SUGCT: variants seen among roughly 807,000 people sequenced by gnomAD.
SUGCT encodes the protein succinyl-CoA:glutarate CoA-transferase.
In SUGCT, 41 loss-of-function variants were observed where a neutral mutation model predicts 55.0. The ratio of observed to expected loss-of-function variants is 0.74; its 90% confidence interval spans 0.58 to 0.97. The LOEUF is 0.97. Among genes scored for constraint, SUGCT ranks in the 50% least tolerant of loss-of-function variants. The pLI is 0.00. For synonymous variants in SUGCT, 187 were observed against 200.4 expected (o/e 0.93, Z 0.56); for missense variants, 568 against 547.8 (o/e 1.04, Z -0.37).
intron 7 of SUGCT, among the ~76,000 whole-genome samples, chr7:40,241,241 G>A (rs1233462183): frequency 6.6e-6 from 1 of 152,014 alleles, no homozygotes; most frequent in Non-Finnish European, 1.5e-5. Flanking sequence ...TTCCTATAGT[G>A]TTATAATAAT....
the SUGCT span, among the ~76,000 whole-genome samples, chr7:40,978,991 C>T: frequency 6.6e-6 from 1 of 152,158 alleles, no homozygotes; most frequent in African/African-American, 2.4e-5. Context: ...CTGTAATTTC[C>T]TTTATATGCC....
At chr7:40,501,989 T>C (rs2151531419) in intron 12 of SUGCT, among the ~76,000 whole-genome samples, 2 of 152,204 alleles carry the variant, frequency 1.3e-5, no homozygotes, top group African/African-American at 4.8e-5. Context: ...TGTAATTAGT[T>C]TATTCTATTA....
intron 9 of SUGCT, among the ~76,000 whole-genome samples, chr7:40,333,403 G>A (rs1174877759): frequency 1.3e-5 from 2 of 151,500 alleles, no homozygotes; most frequent in African/African-American, 4.8e-5. Context: ...TTGGGAGGCT[G>A]AGGCAGGTGG....
At chr7:40,842,795 T>C (rs1437616025) in intron 13 of SUGCT, among the ~76,000 whole-genome samples, 1 of 152,210 alleles carries the variant, frequency 6.6e-6, no homozygotes, top group East Asian at 1.9e-4. Flanking sequence ...GCAGGGCCTC[T>C]TTCTTGTGGG....
intron 9 of SUGCT, among the ~76,000 whole-genome samples, chr7:40,332,419 T>G (rs1287304625): frequency 6.6e-6 from 1 of 150,784 alleles, no homozygotes; most frequent in East Asian, 2.0e-4. Context: ...ATCTTTCTTG[T>G]TAGACTTTTG....
intron 9 of SUGCT, among the ~76,000 whole-genome samples, chr7:40,428,804 T>C (rs904314744): frequency 6.6e-6 from 1 of 152,182 alleles, no homozygotes; most frequent in Non-Finnish European, 1.5e-5. Flanking sequence ...TCTTTGTTTG[T>C]CTATATGTTT....
intron 6 of SUGCT, among the ~76,000 whole-genome samples, chr7:40,205,287 A>C (rs1168840134): frequency 6.6e-6 from 1 of 151,594 alleles, no homozygotes; most frequent in Non-Finnish European, 1.5e-5. Flanking sequence ...AAAAAGGGAA[A>C]AGGAAAAAGG....
rs1784277975 is a variant in SUGCT, at chr7:40,163,502, G to T, written c.101-17445G>T. ...CACCTGTAGTCCCAGCTACTCGGGAGGCTGAGGCAGGAGAAACACTTGAAC... is the reference window on the plus strand; with the variant it reads ...CACCTGTAGTCCCAGCTACTCGGGATGCTGAGGCAGGAGAAACACTTGAAC... On this transcript the variant is annotated intron_variant, in intron 1 of 13. Transcript: ENST00000335693. Among the ~76,000 whole-genome samples the T allele has an allele frequency of 3.3e-5, 5 of 151,924 alleles. No homozygotes were observed. The South Asian group carries it at 1.0e-3, about 32-fold the overall frequency.
chr7:40,697,625 G>A (rs1399733257), intron 12 of SUGCT, among the ~76,000 whole-genome samples: 2 of 152,182 alleles, frequency 1.3e-5, no homozygotes, highest in Non-Finnish European at 2.9e-5. Flanking sequence ...GTGACAGAAT[G>A]AGACTCCATC....
At chr7:40,874,044 T>C in the SUGCT span, among the ~76,000 whole-genome samples, 1 of 152,208 alleles carries the variant, frequency 6.6e-6, no homozygotes, top group Admixed American at 6.5e-5. Flanking sequence ...ACCACTGGCA[T>C]ATTTGGAAAT....
chr7:40,333,968 G>A (rs1796515280), intron 9 of SUGCT, among the ~76,000 whole-genome samples: 1 of 151,730 alleles, frequency 6.6e-6, no homozygotes, highest in South Asian at 2.1e-4. Context: ...TGTTCTCATT[G>A]TTCAATTCCC....
the SUGCT span, among the ~76,000 whole-genome samples, chr7:40,945,818 C>A: frequency 6.6e-6 from 1 of 152,130 alleles, no homozygotes; most frequent in African/African-American, 2.4e-5. Context: ...CTGAGTCTAG[C>A]CACCCAGTGG....
Position 40,751,121 on chromosome 7 carries a change from T to A in SUGCT, c.1153+1624T>A, listed in dbSNP as rs539245640. On this transcript the variant is annotated intron_variant, in intron 13 of 13. Coordinates refer to ENST00000335693, the MANE Select transcript of SUGCT (RefSeq NM_001193313.2). ...CTGTAGTTTAGGTGATCGAAGAAAGTCTCTCTGAGAGGCAGACTTATAACA... is the reference window on the plus strand; with the variant it reads ...CTGTAGTTTAGGTGATCGAAGAAAGACTCTCTGAGAGGCAGACTTATAACA... Among the ~76,000 whole-genome samples the A allele has an allele frequency of 3.3e-5, 5 of 152,254 alleles. No individual in the cohort carries two copies. The South Asian group carries it at 1.0e-3, about 32-fold the overall frequency.
chr7:40,147,046 CTCTCTTTCT>C (rs1305483400), intron 1 of SUGCT, among the ~76,000 whole-genome samples: 10 of 102,846 alleles, frequency 9.7e-5, no homozygotes, highest in African/African-American at 6.1e-4. Flanking sequence ...CTCTCTTTCT[CTCTCTTTCT>C]TCTCTCTTTC....
At chr7:40,416,730 T>A (rs1404974906) in intron 9 of SUGCT, among the ~76,000 whole-genome samples, 1 of 152,004 alleles carries the variant, frequency 6.6e-6, no homozygotes, top group African/African-American at 2.4e-5. Context: ...GACTGTGATT[T>A]TCTGTTTTTG....
At position 40,404,507 on chromosome 7, in the gene SUGCT, G is replaced by A. The variant is rs185287439; in HGVS notation, c.817-44780G>A. ...GGCTGGAGTGCAGTGGCACGATCTC[G>A]GCTAACTGCAACCTCTGCCTCCTGG... On this transcript the variant is annotated intron_variant, in intron 9 of 13. Coordinates refer to ENST00000335693, the MANE Select transcript of SUGCT (RefSeq NM_001193313.2). 1.3e-4 allele frequency among the ~76,000 whole-genome samples: 20 copies of A among 151,580 alleles called. No homozygotes were observed. The East Asian group carries it at 3.7e-3, about 28-fold the overall frequency.
intron 11 of SUGCT, among the ~76,000 whole-genome samples, chr7:40,465,469 G>A (rs1790051352): frequency 6.6e-6 from 1 of 151,996 alleles, no homozygotes; most frequent in African/African-American, 2.4e-5. Context: ...AATTAGCTGG[G>A]TGTGGTGGCA....
At chr7:40,492,929 A>G (rs1791772376) in intron 11 of SUGCT, among the ~76,000 whole-genome samples, 1 of 152,202 alleles carries the variant, frequency 6.6e-6, no homozygotes, top group Non-Finnish European at 1.5e-5. Context: ...TGGCAGATGC[A>G]AAACAAACTC....
the SUGCT span, among the ~76,000 whole-genome samples, chr7:40,883,179 A>C: frequency 6.6e-6 from 1 of 152,162 alleles, no homozygotes; most frequent in African/African-American, 2.4e-5. Context: ...CAGGCTTCTT[A>C]ATTAGGTATC....
Sources: allele counts gnomAD v4.1 joint callset (sites outside exome capture counted in the v4.1 genomes callset), GRCh38; gene constraint gnomAD v4.1.1; transcripts MANE v1.5; gene names NCBI Gene and HGNC (gene_info 2026-07-23, HGNC 2026-07-21).